Variants in SLC35F2 observed in about 807,000 individuals in gnomAD.
SLC35F2 encodes queuine/queuosine transporter SLC35F2.
SLC35F2 carries 25 observed loss-of-function variants against 38.1 expected under a neutral mutation model. The ratio of observed to expected loss-of-function variants is 0.66; its 90% confidence interval spans 0.48 to 0.92. The LOEUF (loss-of-function observed/expected upper bound fraction) is 0.92, where lower values mean the gene tolerates loss of function less well. Ranked by LOEUF, SLC35F2 falls within the 40% of genes least tolerant of loss-of-function variation. The pLI, the probability that SLC35F2 is intolerant of heterozygous loss-of-function variation, is 0.00. For missense variants in SLC35F2, 409 were observed against 452.9 expected, an observed-to-expected ratio of 0.90 and a Z score of 0.88; for synonymous variants, 173 against 181.7, an observed-to-expected ratio of 0.95 and a Z score of 0.38.
chr11:107,816,015 TACACACACACACACACACAC>T (rs370565333), intron 1 of SLC35F2, 50 bp from the exon 2 acceptor site: 3 of 1,228,832 alleles, frequency 2.4e-6, no homozygotes, highest in African/African-American at 1.8e-5. Flanking sequence ...AGTTATACCT[TACACACACACACACACACAC>T]ACACACACAC....
At chr11:107,830,259 A>G (rs536542589) in intron 1 of SLC35F2, among the ~76,000 whole-genome samples, 2 of 152,306 alleles carry the variant, frequency 1.3e-5, no homozygotes, top group South Asian at 2.1e-4. Context: ...ATAATTTTTA[A>G]TATTTATGCA....
At chr11:107,848,094 A>T (rs1860125717) in intron 1 of SLC35F2, among the ~76,000 whole-genome samples, 1 of 152,184 alleles carries the variant, frequency 6.6e-6, no homozygotes, top group Non-Finnish European at 1.5e-5. Flanking sequence ...AGAGTTTGGG[A>T]TAATAAACAA....
At chr11:107,800,199 T>A (rs1168442032) in intron 7 of SLC35F2, among the ~76,000 whole-genome samples, 2 of 152,080 alleles carry the variant, frequency 1.3e-5, no homozygotes, top group Admixed American at 6.6e-5. Context: ...GGCTTTTTTT[T>A]AATGATGTTA....
intron 1 of SLC35F2, among the ~76,000 whole-genome samples, chr11:107,843,882 T>TGTATATTATATA: frequency 2.1e-5 from 1 of 47,944 alleles, no homozygotes; most frequent in East Asian, 5.4e-4. Flanking sequence ...TATATATATA[T>TGTATATTATATA]ATATATATAT....
intron 1 of SLC35F2, chr11:107,823,357 C>T (rs541294978): frequency 1.4e-5 from 5 of 353,882 alleles, no homozygotes; most frequent in Non-Finnish European, 2.0e-5. Context: ...ATCTGTGCTG[C>T]TAGGTTGCAT....
At chr11:107,833,335 C>T (rs1859880450) in intron 1 of SLC35F2, among the ~76,000 whole-genome samples, 1 of 151,988 alleles carries the variant, frequency 6.6e-6, no homozygotes, top group Non-Finnish European at 1.5e-5. Flanking sequence ...TCCTGGCCAA[C>T]ATGGTGAAGC....
At chr11:107,831,240 T>C (rs921649524) in intron 1 of SLC35F2, among the ~76,000 whole-genome samples, 2 of 152,190 alleles carry the variant, frequency 1.3e-5, no homozygotes, top group Non-Finnish European at 2.9e-5. Flanking sequence ...TCAACCCAAA[T>C]GTGATTATCA....
Position 107,803,054 on chromosome 11 carries a change from G to A in SLC35F2, c.886C>T (p.Leu296=), listed in dbSNP as rs754932325. ...AAAAGGCTGTAGAGGTCCGCTGTCA[G>A]GATGCCCAGGTTGACGGAAGTGGCA... ...TSATSVNLGI[L]TADLYSLFVG... is the part of the protein sequence containing the mutation. The change falls in exon 7 of 8, where the codon CTG becomes TTG. Residue 296 remains leucine (L), a synonymous_variant. Transcript: ENST00000525815. 5.6e-6 allele frequency: 9 copies of A among 1,614,044 alleles called. No homozygotes were observed. In the East Asian group the frequency reaches 2.0e-4, roughly 36 times the overall value.
chr11:107,819,447 C>G (rs1299156918), intron 1 of SLC35F2, among the ~76,000 whole-genome samples: 1 of 152,168 alleles, frequency 6.6e-6, no homozygotes, highest in Non-Finnish European at 1.5e-5. Context: ...CTACAGGTAG[C>G]ATTCTTTCTA....
chr11:107,837,381 C>T (rs1482688923), intron 1 of SLC35F2, among the ~76,000 whole-genome samples: 9 of 152,092 alleles, frequency 5.9e-5, no homozygotes, highest in Non-Finnish European at 1.3e-4. Flanking sequence ...TCTTTACATT[C>T]TGCCATGCTA....
intron 1 of SLC35F2, 39 bp downstream of exon 1, chr11:107,858,619 C>A (rs970052311): frequency 8.0e-7 from 1 of 1,257,564 alleles, no homozygotes; most frequent in Admixed American, 4.1e-5. Flanking sequence ...CAGCCGCCCC[C>A]ACGCCCCAGC....
chr11:107,836,840 T>C (rs1859938659), intron 1 of SLC35F2, among the ~76,000 whole-genome samples: 1 of 152,232 alleles, frequency 6.6e-6, no homozygotes. Context: ...AAAACGAATA[T>C]ACAAAGTCAA....
chr11:107,851,584 A>T (rs191211289), intron 1 of SLC35F2, among the ~76,000 whole-genome samples: 4 of 150,810 alleles, frequency 2.7e-5, no homozygotes, highest in African/African-American at 7.3e-5. Context: ...AATTTTTTCT[A>T]AAAAAAAGGG....
intron 5 of SLC35F2, 136 bp from the exon 6 acceptor site, chr11:107,804,906 C>T (rs762355470): frequency 2.6e-5 from 30 of 1,153,904 alleles, no homozygotes; most frequent in African/African-American, 1.1e-4. Context: ...ATAAAAATAA[C>T]GATCTTTAAT....
rs879409115 is a variant in SLC35F2 at position 107,811,548 on chromosome 11, C to A, written c.414+119G>T. 43 of 927,574 alleles carry A rather than the reference C, an allele frequency of 4.6e-5. No homozygotes were observed. The Admixed American group carries it at 1.0e-3, about 22-fold the overall frequency. The allele number at this position is 927,574 out of a possible 1,614,324, so 57.5% of individuals were successfully genotyped here. A position where few individuals can be genotyped will look rare whatever the true frequency, so the allele number is the denominator to read the frequency against. On this transcript the variant is annotated intron_variant, in intron 3 of 7. Coordinates refer to ENST00000525815, the MANE Select transcript of SLC35F2 (RefSeq NM_017515.5). The stretch of plus-strand genomic sequence containing the variant: ...ATGCTCTACTAGAAAACAGCATCCA[C>A]CTGTGTTTAGGTTTTCTTCAAGTGA...
intron 1 of SLC35F2, among the ~76,000 whole-genome samples, chr11:107,837,804 T>C (rs1859955071): frequency 6.6e-6 from 1 of 152,172 alleles, no homozygotes; most frequent in South Asian, 2.1e-4. Context: ...TGCAATCCTC[T>C]TTTTCCATTT....
chr11:107,816,321 G>T (rs1351600012), intron 1 of SLC35F2: 1 of 978,776 alleles, frequency 1.0e-6, no homozygotes, highest in Non-Finnish European at 1.2e-6. Context: ...TTGTTCTATT[G>T]CTCAGGCTAG....
At chr11:107,857,564 A>G (rs1013060794) in intron 1 of SLC35F2, among the ~76,000 whole-genome samples, 6 of 152,208 alleles carry the variant, frequency 3.9e-5, no homozygotes, top group Non-Finnish European at 7.3e-5. Flanking sequence ...TCCCCTTTAA[A>G]CACATGCATC....
chr11:107,801,750 A>G (rs964886074), intron 7 of SLC35F2, among the ~76,000 whole-genome samples: 9 of 152,244 alleles, frequency 5.9e-5, no homozygotes, highest in African/African-American at 1.7e-4. Flanking sequence ...AGACTTTAAC[A>G]TGATGCAATC....
Sources: allele counts gnomAD v4.1 joint callset (sites outside exome capture counted in the v4.1 genomes callset), GRCh38; gene constraint gnomAD v4.1.1; transcripts MANE v1.5; gene names NCBI Gene and HGNC (gene_info 2026-07-23, HGNC 2026-07-21).